The following GNA14 variants were observed in gnomAD, a reference collection of about 807,000 sequenced individuals.
The protein encoded by GNA14 is G protein subunit alpha 14.
GNA14 carries 50 observed loss-of-function variants against 42.0 expected under a neutral mutation model. That is an observed-to-expected ratio of 1.19 (90% CI 0.95 to 1.51). The LOEUF is 1.51. Among genes scored for constraint, GNA14 ranks in the 40% most tolerant of loss-of-function variants. The pLI is 0.00. For synonymous variants in GNA14, 173 were observed against 163.1 expected (o/e 1.06, Z -0.46); for missense variants, 473 against 446.2 (o/e 1.06, Z -0.54).
At chr9:77,551,603 T>TCC (rs1837787756) in intron 1 of GNA14, among the ~76,000 whole-genome samples, 1 of 151,750 alleles carries the variant, frequency 6.6e-6, no homozygotes, top group Admixed American at 6.6e-5. Flanking sequence ...ATGGGACCCT[T>TCC]CCCTGCTCCT....
intron 1 of GNA14, among the ~76,000 whole-genome samples, chr9:77,603,296 T>C (rs1823596040): frequency 6.6e-6 from 1 of 152,142 alleles, no homozygotes; most frequent in Admixed American, 6.5e-5. Context: ...GAGCCACTGA[T>C]GCAAACCCCC....
intron 1 of GNA14, among the ~76,000 whole-genome samples, chr9:77,563,880 C>G (rs1464955485): frequency 6.6e-6 from 1 of 152,116 alleles, no homozygotes; most frequent in Non-Finnish European, 1.5e-5. Context: ...GTTTGTTTGT[C>G]AGAGTTTATC....
chr9:77,618,607 TA>T lies in GNA14; in HGVS notation c.124+29062del, dbSNP rs1183997951. ...ATATATATATATATATATATATATA[TA>T]TATATATATATATTTTTTTTTTTTT... is the stretch of plus-strand genomic sequence containing the variant. On this transcript the variant is annotated intron_variant, in intron 1 of 6. Coordinates refer to ENST00000341700, the MANE Select transcript of GNA14 (RefSeq NM_004297.4). Among the ~76,000 whole-genome samples the T allele has an allele frequency of 9.4e-3, 154 of 16,308 alleles. 9 individuals carry two copies. The highest frequency in any genetic ancestry group is 0.015 in the Non-Finnish European group (118 of 8,116). The allele number at this position is 16,308 out of a possible 152,430, so 10.7% of individuals were successfully genotyped here.
chr9:77,584,633 C>T (rs895070012), intron 1 of GNA14, among the ~76,000 whole-genome samples: 2 of 151,878 alleles, frequency 1.3e-5, no homozygotes, highest in African/African-American at 4.8e-5. Flanking sequence ...CAGATCCAGA[C>T]CCCAGGAAAG....
intron 2 of GNA14, among the ~76,000 whole-genome samples, chr9:77,485,191 T>C (rs966776149): frequency 6.6e-6 from 1 of 152,238 alleles, no homozygotes; most frequent in Non-Finnish European, 1.5e-5. Flanking sequence ...ACTAAACTTA[T>C]ATAATACTCT....
chr9:77,547,567 T>C (rs73651534), intron 1 of GNA14, among the ~76,000 whole-genome samples: 4,852 of 152,230 alleles, frequency 0.032, 268 homozygotes, highest in African/African-American at 0.11. Flanking sequence ...TGTCCTGTGG[T>C]TTTTTCATTA....
At chr9:77,437,562 AAG>A (rs879376486) in intron 2 of GNA14, among the ~76,000 whole-genome samples, 25 of 146,034 alleles carry the variant, frequency 1.7e-4, no homozygotes, top group East Asian at 3.9e-4. Flanking sequence ...GAGAGAGAGA[AAG>A]AGAGAGAGAG....
At chr9:77,460,981 G>T (rs1836094856) in intron 2 of GNA14, among the ~76,000 whole-genome samples, 1 of 152,182 alleles carries the variant, frequency 6.6e-6, no homozygotes, top group South Asian at 2.1e-4. Flanking sequence ...AAAGTATAAA[G>T]TTAGTTTGTT....
At chr9:77,603,191 C>T (rs892103488) in intron 1 of GNA14, among the ~76,000 whole-genome samples, 2 of 152,164 alleles carry the variant, frequency 1.3e-5, no homozygotes, top group African/African-American at 4.8e-5. Flanking sequence ...AACCAGAGAT[C>T]ATCTCCTACT....
chr9:77,644,453 AAAAAAAAAAAAG>A (rs1272464060), intron 1 of GNA14, among the ~76,000 whole-genome samples: 5 of 149,326 alleles, frequency 3.3e-5, no homozygotes, highest in South Asian at 2.1e-4. Flanking sequence ...AAAAAAAAAA[AAAAAAAAAAAAG>A]ACACAGGAAT....
chr9:77,546,914 A>G (rs1338009663), intron 1 of GNA14, among the ~76,000 whole-genome samples: 3 of 152,160 alleles, frequency 2.0e-5, no homozygotes, highest in African/African-American at 7.2e-5. Context: ...GTTTATAACC[A>G]CTGTCCTGAG....
chr9:77,446,932 T>C (rs1354212826), intron 2 of GNA14, among the ~76,000 whole-genome samples: 1 of 152,036 alleles, frequency 6.6e-6, no homozygotes, highest in East Asian at 1.9e-4. Flanking sequence ...CAAGTATAAA[T>C]CCTGGCTACA....
intron 2 of GNA14, among the ~76,000 whole-genome samples, chr9:77,457,674 A>ACT (rs1836027381): frequency 6.6e-6 from 1 of 152,232 alleles, no homozygotes; most frequent in South Asian, 2.1e-4. Context: ...CATGCCTTTT[A>ACT]CTTCATAAGC....
chr9:77,431,024 T>TGTGTGTGTG (rs1554686110), intron 4 of GNA14, among the ~76,000 whole-genome samples: 3,606 of 101,468 alleles, frequency 0.036, 98 homozygotes, highest in East Asian at 0.073. Context: ...AAGTATACAT[T>TGTGTGTGTG]TGTGTGTGTG....
intron 2 of GNA14, among the ~76,000 whole-genome samples, chr9:77,484,195 A>G (rs185244127): frequency 6.6e-6 from 1 of 152,326 alleles, no homozygotes; most frequent in East Asian, 1.9e-4. Flanking sequence ...AGAACAATCA[A>G]TCTAGCTCAG....
intron 1 of GNA14, among the ~76,000 whole-genome samples, chr9:77,548,311 T>C (rs1012535142): frequency 3.9e-5 from 6 of 152,140 alleles, no homozygotes; most frequent in African/African-American, 1.4e-4. Context: ...CCATTTTCAG[T>C]CTTCTTAAAG....
intron 2 of GNA14, among the ~76,000 whole-genome samples, chr9:77,441,080 T>A (rs1835726647): frequency 6.6e-6 from 1 of 152,244 alleles, no homozygotes; most frequent in South Asian, 2.1e-4. Context: ...ATAGATCTCT[T>A]GAGCAAATTG....
intron 1 of GNA14, among the ~76,000 whole-genome samples, chr9:77,624,723 T>A (rs985926783): frequency 6.6e-6 from 1 of 151,926 alleles, no homozygotes; most frequent in Non-Finnish European, 1.5e-5. Context: ...AGGAATAGCA[T>A]GTCCACTCAG....
rs368003648 is a variant in GNA14, at chr9:77,511,841, A to G, written c.309+17228T>C. 8.0e-4 allele frequency among the ~76,000 whole-genome samples: 122 copies of G among 152,272 alleles called. 5 individuals are homozygous for G. The South Asian group carries it at 0.024, about 31-fold the overall frequency. ...GAGAAGCAATCAAAATGAACTTGGA[A>G]CTTGTGTTTTAAGGGTCCAGTCAAC... On this transcript the variant is annotated intron_variant, in intron 2 of 6. Transcript: ENST00000341700.
Sources: allele counts gnomAD v4.1 joint callset (sites outside exome capture counted in the v4.1 genomes callset), GRCh38; gene constraint gnomAD v4.1.1; transcripts MANE v1.5; gene names NCBI Gene and HGNC (gene_info 2026-07-23, HGNC 2026-07-21).